The following FAM24B variants were observed in gnomAD, a reference collection of about 807,000 sequenced individuals.
The protein encoded by FAM24B is family with sequence similarity 24 member B, also known as protein FAM24B.
FAM24B carries 3 observed loss-of-function variants against 2.3 expected under a neutral mutation model. That is an observed-to-expected ratio of 1.29 (90% CI 0.59 to 3.32). FAM24B has a LOEUF of 3.32. Ranked by LOEUF, FAM24B falls within the 30% of genes most tolerant of loss-of-function variation. The pLI, the probability that FAM24B is intolerant of heterozygous loss-of-function variation, is 0.03. For missense variants in FAM24B, 98 were observed against 117.2 expected (o/e 0.84, Z 0.76); for synonymous variants, 36 against 46.3 (o/e 0.78, Z 0.90).
Position 122,849,310 on chromosome 10 carries a change from A to G in FAM24B, c.222T>C (p.Tyr74=), listed in dbSNP as rs200377212. The G allele has an allele frequency of 6.2e-7, 1 of 1,609,126 alleles. No homozygotes were observed. The highest frequency in any genetic ancestry group is 8.5e-7 in the Non-Finnish European group (1 of 1,177,480). The stretch of plus-strand genomic sequence containing the variant: ...GGGAATCAAAACTGGCACACATTCT[A>G]TATCCTTCACAGCACTGCAGGGCAG... ...SCPALQCCEG[Y]RMCASFDSLP... Residue 74 remains tyrosine, a synonymous_variant, in exon 4 of 4, where the codon TAT becomes TAC. Transcript: ENST00000368898.
chr10:122,859,795 G>C (rs761604418), intron 1 of FAM24B, among the ~76,000 whole-genome samples: 1 of 152,294 alleles, frequency 6.6e-6, no homozygotes, highest in South Asian at 2.1e-4. Context: ...CAATTCCCTG[G>C]AGAGTTTAAG....
chr10:122,849,117 T>C lies in FAM24B; in HGVS notation c.*130A>G. The C allele has an allele frequency of 1.6e-6, 1 of 612,704 alleles. No individual in the cohort carries two copies. The highest frequency in any genetic ancestry group is 4.0e-5 in the Admixed American group (1 of 24,742). The allele number at this position is 612,704 out of a possible 1,614,324, so 38.0% of individuals were successfully genotyped here. A position where few individuals can be genotyped will look rare whatever the true frequency, so the allele number is the denominator to read the frequency against. On this transcript the variant is annotated 3_prime_UTR_variant, in exon 4 of 4. Coordinates refer to ENST00000368898, the MANE Select transcript of FAM24B (RefSeq NM_152644.3). ...GATTATTTTTAATAGTGTACATTTA[T>C]TCAAAAGTATATAAAACAACACTGT...
chr10:122,875,504 T>C (rs1044809946), intron 1 of FAM24B, among the ~76,000 whole-genome samples: 1 of 152,252 alleles, frequency 6.6e-6, no homozygotes, highest in African/African-American at 2.4e-5. Context: ...CCAGACATAA[T>C]ATATCTGGAA....
At chr10:122,855,947 GACA>G (rs1286332696) in intron 1 of FAM24B, among the ~76,000 whole-genome samples, 161 bp from the exon 2 acceptor site, 3 of 152,242 alleles carry the variant, frequency 2.0e-5, no homozygotes, top group Non-Finnish European at 4.4e-5. Context: ...TATTTAAAGT[GACA>G]ACAAGGCAGC....
At chr10:122,858,786 C>T (rs1847681410) in intron 1 of FAM24B, among the ~76,000 whole-genome samples, 1 of 152,044 alleles carries the variant, frequency 6.6e-6, no homozygotes, top group South Asian at 2.1e-4. Context: ...CCAGTACCAG[C>T]GAGAAGTACC....
chr10:122,858,744 C>G (rs145435188), intron 1 of FAM24B, among the ~76,000 whole-genome samples: 1 of 152,036 alleles, frequency 6.6e-6, no homozygotes, highest in Non-Finnish European at 1.5e-5. Context: ...GTGGGGCACA[C>G]AGAGCCTCTG....
At chr10:122,853,797 G>C (rs1847588600) in intron 2 of FAM24B, among the ~76,000 whole-genome samples, 1 of 152,112 alleles carries the variant, frequency 6.6e-6, no homozygotes, top group Non-Finnish European at 1.5e-5. Flanking sequence ...GTCCCTACTT[G>C]GGTTCAGAGG....
Position 122,850,456 on chromosome 10 carries a change from G to C in FAM24B, c.60C>G (p.Leu20=). The change falls in exon 3 of 4, where the codon CTC becomes CTG. Residue 20 remains leucine (L), a synonymous_variant. Transcript: ENST00000368898. ...CGTTGTGTATTTTGAAGTAAAGACA[G>C]AGCACGACAACTATCAGCAGGAGCA... The part of the protein sequence containing the change: ...AALLLLIVVV[L]CLYFKIHNAL... The C allele has an allele frequency of 6.2e-7, 1 of 1,614,102 alleles. No individual in the cohort carries two copies. The highest frequency in any genetic ancestry group is 1.1e-5 in the South Asian group (1 of 91,078).
In FAM24B at chr10:122,850,455, A is replaced by G; in HGVS notation, c.61T>C (p.Cys21Arg). 1 of 1,614,156 alleles carries G rather than the reference A, an allele frequency of 6.2e-7. No homozygotes were observed. The highest frequency in any genetic ancestry group is 8.5e-7 in the Non-Finnish European group (1 of 1,179,988). Residue 21 changes from cysteine to arginine, a missense_variant, in exon 3 of 4, where the codon TGT (cysteine) becomes CGT (arginine). Cys to Arg is a radical substitution (Grantham distance 180). Transcript: ENST00000368898. ...ALLLLIVVVL[C>R]LYFKIHNALK... ...GCGTTGTGTATTTTGAAGTAAAGACAGAGCACGACAACTATCAGCAGGAGC... is the reference window on the plus strand; with the variant it reads ...GCGTTGTGTATTTTGAAGTAAAGACGGAGCACGACAACTATCAGCAGGAGC...
At chr10:122,867,691 G>A (rs1701215224) in intron 1 of FAM24B, among the ~76,000 whole-genome samples, 1 of 152,172 alleles carries the variant, frequency 6.6e-6, no homozygotes, top group South Asian at 2.1e-4. Context: ...GGTCTGGAGT[G>A]GACCTCCAGT....
chr10:122,850,951 C>G (rs1317285694), intron 2 of FAM24B, among the ~76,000 whole-genome samples: 3 of 152,300 alleles, frequency 2.0e-5, no homozygotes, highest in Middle Eastern at 3.4e-3. Flanking sequence ...AATGACCCCC[C>G]ACTGGATATC....
At chr10:122,853,322 G>A (rs1451513991) in intron 2 of FAM24B, among the ~76,000 whole-genome samples, 2 of 152,050 alleles carry the variant, frequency 1.3e-5, no homozygotes, top group African/African-American at 2.4e-5. Context: ...TGGGCCCTTC[G>A]CATGTGTTAT....
chr10:122,850,777 A>G, intron 2 of FAM24B: 1 of 430,798 alleles, frequency 2.3e-6, no homozygotes, highest in East Asian at 4.3e-5. Flanking sequence ...ATGGAAATGC[A>G]AAGTCCAGAG....
intron 1 of FAM24B, among the ~76,000 whole-genome samples, chr10:122,857,340 G>T (rs1341122013): frequency 6.6e-6 from 1 of 152,178 alleles, no homozygotes; most frequent in East Asian, 1.9e-4. Flanking sequence ...AATCTTGGGG[G>T]TCATCAGAGA....
chr10:122,874,330 C>G (rs1847945279), intron 1 of FAM24B, among the ~76,000 whole-genome samples: 1 of 152,050 alleles, frequency 6.6e-6, no homozygotes, highest in Non-Finnish European at 1.5e-5. Context: ...TTTTATTTTG[C>G]CTTCATTTAT....
intron 2 of FAM24B, among the ~76,000 whole-genome samples, chr10:122,852,304 G>A (rs1270357637): frequency 6.6e-6 from 1 of 152,182 alleles, no homozygotes; most frequent in Non-Finnish European, 1.5e-5. Context: ...CATTGCCAGA[G>A]CCAGCAACTG....
At chr10:122,857,347 G>A (rs1847657629) in intron 1 of FAM24B, among the ~76,000 whole-genome samples, 1 of 152,186 alleles carries the variant, frequency 6.6e-6, no homozygotes, top group Non-Finnish European at 1.5e-5. Flanking sequence ...GGGGTCATCA[G>A]AGAACTTTGC....
chr10:122,866,160 C>T (rs550123939), intron 1 of FAM24B, among the ~76,000 whole-genome samples: 30 of 152,158 alleles, frequency 2.0e-4, no homozygotes, highest in African/African-American at 7.2e-4. Flanking sequence ...GCTCAGCCTC[C>T]CAAAGTGCTG....
At chr10:122,870,370 G>A (rs1442331550) in intron 1 of FAM24B, among the ~76,000 whole-genome samples, 1 of 152,100 alleles carries the variant, frequency 6.6e-6, no homozygotes, top group Non-Finnish European at 1.5e-5. Context: ...AGGAGGAGCT[G>A]GTACCATTCC....
Sources: allele counts gnomAD v4.1 joint callset (sites outside exome capture counted in the v4.1 genomes callset), GRCh38; gene constraint gnomAD v4.1.1; transcripts MANE v1.5; gene names NCBI Gene and HGNC (gene_info 2026-07-23, HGNC 2026-07-21).